The following WDR53 variants were observed in gnomAD, a reference collection of about 807,000 sequenced individuals.
WDR53 encodes WD repeat-containing protein 53.
Under a neutral mutation model 21.3 loss-of-function variants are expected in WDR53, and 19 were observed. The observed-to-expected ratio is 0.89, with a 90% CI of 0.62 to 1.31. WDR53 has a LOEUF of 1.31. Among genes scored for constraint, WDR53 ranks in the 50% most tolerant of loss-of-function variants. WDR53 has a pLI of 0.00. For missense variants in WDR53, 374 were observed against 423.2 expected (o/e 0.88, Z 1.02); for synonymous variants, 157 against 163.4 (o/e 0.96, Z 0.30).
At chr3:196,564,618 C>T (rs1735209665) in intron 2 of WDR53, among the ~76,000 whole-genome samples, 1 of 152,104 alleles carries the variant, frequency 6.6e-6, no homozygotes, top group Admixed American at 6.5e-5. Flanking sequence ...CCGTCTCAGC[C>T]TCTCAAAGTG....
intron 3 of WDR53, among the ~76,000 whole-genome samples, chr3:196,560,525 C>A (rs1179759032): frequency 6.6e-6 from 1 of 152,156 alleles, no homozygotes; most frequent in African/African-American, 2.4e-5. Flanking sequence ...GCGTGAGCCA[C>A]CGTGCCCAGC....
At chr3:196,558,639 T>C (rs557134383) in intron 3 of WDR53, among the ~76,000 whole-genome samples, 59 of 152,352 alleles carry the variant, frequency 3.9e-4, no homozygotes, top group African/African-American at 1.4e-3. Flanking sequence ...GAGATAAAAT[T>C]TGTTTGCTCA....
In WDR53 at chr3:196,554,419, G is replaced by A. The variant is rs1484858; in HGVS notation, c.869C>T (p.Pro290Leu). 2 of 1,613,864 alleles carry A rather than the reference G, an allele frequency of 1.2e-6. No individual in the cohort carries two copies. Among genetic ancestry groups the A allele is most frequent in the African/African-American group, 2.7e-5 (2 of 74,846 alleles). ...CTGCTTGGTGCAAGTTCCTCTTTTA[G>A]GTTTCTTCCTGTGGGTACGTTTTGT... ...SPTKRTHRKKPKRGTCTKQGG... is the reference protein window; with the variant it reads ...SPTKRTHRKKLKRGTCTKQGG... Residue 290 changes from proline (P) to leucine (L), a missense_variant, in exon 4 of 4, where the codon CCT (proline) becomes CTT (leucine). Physicochemically the swap from Pro to Leu is moderately conservative, Grantham distance 98. Transcript: ENST00000332629.
At chr3:196,562,664 GC>G (rs2108699814) in intron 2 of WDR53, among the ~76,000 whole-genome samples, 1 of 152,254 alleles carries the variant, frequency 6.6e-6, no homozygotes, top group South Asian at 2.1e-4. Flanking sequence ...AAAATGGCAG[GC>G]CCTTGGTCTC....
intron 3 of WDR53, among the ~76,000 whole-genome samples, chr3:196,558,830 A>C (rs1734567421): frequency 6.6e-6 from 1 of 152,268 alleles, no homozygotes; most frequent in South Asian, 2.1e-4. Context: ...TCATTTCTTA[A>C]AAGCATGGTT....
At chr3:196,568,413 G>C (rs1735648575) in intron 1 of WDR53, 106 bp downstream of exon 1, 1 of 153,030 alleles carries the variant, frequency 6.5e-6, no homozygotes, top group Non-Finnish European at 1.5e-5. Context: ...AGGGAGCCCA[G>C]GAGAGCAGAC....
Position 196,554,627 on chromosome 3 carries a change from C to T in WDR53, c.661G>A (p.Val221Ile). ...IFSCGAEDGKVRIFRVMGVKC... is the reference protein window; with the variant it reads ...IFSCGAEDGKIRIFRVMGVKC... The stretch of plus-strand genomic sequence containing the variant: ...ACTCCCATCACCCGAAAGATTCGAA[C>T]CTTACCATCTTCTGCACCACAACTA... Residue 221 changes from valine to isoleucine, a missense_variant, in exon 4 of 4, where the codon GTT becomes ATT. Coordinates refer to ENST00000332629, the MANE Select transcript of WDR53 (RefSeq NM_182627.3). 1.2e-6 allele frequency: 2 copies of T among 1,614,136 alleles called. No individual in the cohort carries two copies. The highest frequency in any genetic ancestry group is 1.7e-6 in the Non-Finnish European group (2 of 1,180,018).
intron 3 of WDR53, 34 bp downstream of exon 3, chr3:196,560,962 G>T: frequency 6.4e-7 from 1 of 1,560,500 alleles, no homozygotes; most frequent in South Asian, 1.2e-5. Context: ...ATCCCACTTA[G>T]AAATTCCCCA....
intron 2 of WDR53, among the ~76,000 whole-genome samples, chr3:196,564,392 T>C (rs28571999): frequency 3.0e-4 from 34 of 111,480 alleles, no homozygotes; most frequent in African/African-American, 1.1e-3. Context: ...TTTTTTCTTT[T>C]TTCTTTTTTT....
chr3:196,561,298 A>C lies in WDR53; in HGVS notation c.178T>G (p.Ser60Ala), dbSNP rs1415647949. ...GADDVTSVLF[S>A]PSCPTKLYAS... ...TAGAGCTTGGTGGGACAGGAGGGAG[A>C]AAATAAGACACTGGTAACATCATCA... Residue 60 changes from serine to alanine, a missense_variant, in exon 3 of 4, where the codon TCT (serine) becomes GCT (alanine). Coordinates refer to ENST00000332629, the MANE Select transcript of WDR53 (RefSeq NM_182627.3). 6.2e-7 allele frequency: 1 copy of C among 1,614,154 alleles called. No homozygotes were observed. Among genetic ancestry groups the C allele is most frequent in the Non-Finnish European group, 8.5e-7 (1 of 1,180,026 alleles).
intron 3 of WDR53, among the ~76,000 whole-genome samples, chr3:196,556,526 G>T (rs1015511225): frequency 1.2e-4 from 18 of 151,758 alleles, no homozygotes; most frequent in African/African-American, 3.6e-4. Context: ...CATGGTGGTG[G>T]GCGCCTGTAG....
At position 196,554,442 on chromosome 3, in the gene WDR53, T is replaced by G. The variant is rs1195250200; in HGVS notation, c.846A>C (p.Thr282=). ...TAGGTTTCTTCCTGTGGGTACGTTT[T>G]GTGGGACTCTTCTGTTTTTTCTCAA... is the stretch of plus-strand genomic sequence containing the variant. The part of the protein sequence containing the change: ...SEVEKKQKSP[T]KRTHRKKPKR... Residue 282 remains threonine, a synonymous_variant, in exon 4 of 4, where the codon ACA becomes ACC. Transcript: ENST00000332629. 3.7e-6 allele frequency: 6 copies of G among 1,614,076 alleles called. No homozygotes were observed. Among genetic ancestry groups the G allele is most frequent in the Non-Finnish European group, 5.1e-6 (6 of 1,180,044 alleles).
intron 2 of WDR53, among the ~76,000 whole-genome samples, chr3:196,562,899 C>T (rs894372040): frequency 1.3e-5 from 2 of 152,176 alleles, no homozygotes; most frequent in African/African-American, 4.8e-5. Context: ...GTGGCACAAT[C>T]GTGGCTCACT....
intron 2 of WDR53, among the ~76,000 whole-genome samples, chr3:196,563,516 G>C (rs2108702770): frequency 6.6e-6 from 1 of 151,730 alleles, no homozygotes; most frequent in East Asian, 1.9e-4. Flanking sequence ...GTGGTACAGA[G>C]ATAAAATCAT....
intron 3 of WDR53, 44 bp from the exon 4 acceptor site, chr3:196,554,851 A>G: frequency 6.6e-7 from 1 of 1,516,588 alleles, no homozygotes; most frequent in South Asian, 1.2e-5. Context: ...AATGCTAGCC[A>G]ATTTGCTCAA....
At chr3:196,560,658 T>C (rs1382251361) in intron 3 of WDR53, among the ~76,000 whole-genome samples, 1 of 152,256 alleles carries the variant, frequency 6.6e-6, no homozygotes, top group Non-Finnish European at 1.5e-5. Flanking sequence ...TAACTTTTTG[T>C]TTAAACAGAG....
intron 3 of WDR53, among the ~76,000 whole-genome samples, chr3:196,557,379 C>A (rs1249380991): frequency 6.6e-6 from 1 of 152,102 alleles, no homozygotes; most frequent in Non-Finnish European, 1.5e-5. Flanking sequence ...CCCTCCTCTG[C>A]AGCAAAAATA....
rs73076889 is a variant in WDR53, at chr3:196,554,878, G to T, written c.481-71C>A. 4.1e-3 allele frequency: 5,294 copies of T among 1,279,340 alleles called. 167 individuals carry two copies. In the African/African-American group the frequency reaches 0.071, roughly 17 times the overall value. The allele number at this position is 1,279,340 out of a possible 1,614,324, so 79.2% of individuals were successfully genotyped here. ...TTTGCTCAACTATCATGCTTATTCA[G>T]CTTCTAATAAAATCGTTAAAGTAGT... On this transcript the variant is annotated intron_variant, in intron 3 of 3. Transcript: ENST00000332629.
rs140247486 is a variant in WDR53, at chr3:196,564,395, C to CTTCTTT, written c.-17+2481_-17+2482insAAAGAA. Among the ~76,000 whole-genome samples the CTTCTTT allele has an allele frequency of 5.4e-4, 73 of 135,882 alleles. 1 individual carries two copies. The highest frequency in any genetic ancestry group is 2.5e-3 in the Admixed American group (33 of 13,346). The allele number at this position is 135,882 out of a possible 152,430, so 89.1% of individuals were successfully genotyped here. A position where few individuals can be genotyped will look rare whatever the true frequency, so the allele number is the denominator to read the frequency against. ...ACGATTTCAATTTTTTTTCTTTTTT[C>CTTCTTT]TTTTTTTTTTTTTTTTGAGACAGGG... On this transcript the variant is annotated intron_variant, in intron 2 of 3. Transcript: ENST00000332629.
Sources: gnomAD v4.1 joint callset for allele counts (sites outside exome capture counted in the v4.1 genomes callset) on GRCh38, gnomAD v4.1.1 for gene constraint, MANE v1.5 for transcripts, NCBI Gene and HGNC (gene_info 2026-07-23, HGNC 2026-07-21) for gene names.